The following AGBL4 variants were observed in gnomAD, a reference collection of about 807,000 sequenced individuals.
The protein encoded by AGBL4 is AGBL carboxypeptidase 4.
A neutral mutation model predicts 66.4 loss-of-function variants in AGBL4; 58 were observed. The observed-to-expected ratio is 0.87, with a 90% CI of 0.71 to 1.09. AGBL4 has a LOEUF of 1.09. Ranked by LOEUF, AGBL4 falls within the 50% of genes least tolerant of loss-of-function variation. AGBL4 has a pLI of 0.00. For missense variants in AGBL4, 579 were observed against 631.0 expected, an observed-to-expected ratio of 0.92 and a Z score of 0.88; for synonymous variants, 234 against 222.9, an observed-to-expected ratio of 1.05 and a Z score of -0.44.
chr1:49,491,915 C>T (rs1010133940), intron 3 of AGBL4, among the ~76,000 whole-genome samples: 5 of 151,902 alleles, frequency 3.3e-5, no homozygotes, highest in African/African-American at 1.2e-4. Context: ...CCAATACATA[C>T]ATATCTTTCA....
intron 5 of AGBL4, among the ~76,000 whole-genome samples, chr1:48,959,534 G>A (rs916285300): frequency 2.0e-5 from 3 of 152,110 alleles, no homozygotes; most frequent in Admixed American, 1.3e-4. Context: ...GGACCACAAG[G>A]CAGAGTAAGA....
chr1:49,054,063 C>T (rs900761459), intron 4 of AGBL4, among the ~76,000 whole-genome samples: 1 of 152,088 alleles, frequency 6.6e-6, no homozygotes, highest in African/African-American at 2.4e-5. Flanking sequence ...AAAAGCCAGA[C>T]ATCAGAGCTA....
intron 4 of AGBL4, among the ~76,000 whole-genome samples, chr1:49,215,300 T>C (rs1048145235): frequency 6.6e-6 from 1 of 152,006 alleles, no homozygotes; most frequent in Non-Finnish European, 1.5e-5. Context: ...TTAAGAGGAG[T>C]ATCTAGGGCT....
At chr1:48,836,458 C>T (rs1428186584) in intron 6 of AGBL4, among the ~76,000 whole-genome samples, 2 of 151,976 alleles carry the variant, frequency 1.3e-5, no homozygotes, top group African/African-American at 2.4e-5. Context: ...TAAAAACATA[C>T]TTGCGGGAAT....
intron 3 of AGBL4, among the ~76,000 whole-genome samples, chr1:49,288,545 T>A (rs979119107): frequency 1.3e-5 from 2 of 152,172 alleles, no homozygotes; most frequent in Non-Finnish European, 2.9e-5. Flanking sequence ...CTGTGCAATT[T>A]TCCTTCAATT....
At chr1:49,359,791 T>G (rs970915264) in intron 3 of AGBL4, among the ~76,000 whole-genome samples, 1 of 151,992 alleles carries the variant, frequency 6.6e-6, no homozygotes, top group African/African-American at 2.4e-5. Context: ...ACCCACAGGC[T>G]CTGACTTCCG....
intron 2 of AGBL4, among the ~76,000 whole-genome samples, chr1:49,781,087 A>G (rs1014423053): frequency 6.6e-6 from 1 of 152,136 alleles, no homozygotes; most frequent in African/African-American, 2.4e-5. Flanking sequence ...GACAAAATAT[A>G]TAATTCAAAA....
chr1:49,084,378 G>C (rs966149488), intron 4 of AGBL4, among the ~76,000 whole-genome samples: 1 of 152,198 alleles, frequency 6.6e-6, no homozygotes, highest in Non-Finnish European at 1.5e-5. Flanking sequence ...AAGGAAAGAG[G>C]TTTAAATAAG....
rs180773981 is a variant in AGBL4 at position 49,493,792 on chromosome 1, C to A, written c.282+203521G>T. Reference sequence around the variant, plus strand: ...TGTATCATTTTGACAAAAAATAAATCCTATTTTTTAAAATTAAATAAATTG... The same window carrying A: ...TGTATCATTTTGACAAAAAATAAATACTATTTTTTAAAATTAAATAAATTG... On this transcript the variant is annotated intron_variant, in intron 3 of 13. Transcript: ENST00000371839. Among the ~76,000 whole-genome samples the A allele has an allele frequency of 2.4e-4, 36 of 151,956 alleles. 2 individuals are homozygous for A. Among genetic ancestry groups the A allele is most frequent in the African/African-American group, 7.7e-4 (32 of 41,488 alleles).
intron 3 of AGBL4, among the ~76,000 whole-genome samples, chr1:49,641,063 C>T (rs978521105): frequency 2.0e-5 from 3 of 152,010 alleles, no homozygotes; most frequent in Admixed American, 6.6e-5. Context: ...AAATGCACCC[C>T]GTGAGCCTAA....
intron 4 of AGBL4, among the ~76,000 whole-genome samples, chr1:49,235,604 T>A (rs1650665372): frequency 6.6e-6 from 1 of 152,208 alleles, no homozygotes; most frequent in Admixed American, 6.5e-5. Context: ...CTATGAATAA[T>A]AATCTCTATT....
At chr1:49,365,771 C>A (rs1306299486) in intron 3 of AGBL4, among the ~76,000 whole-genome samples, 1 of 151,986 alleles carries the variant, frequency 6.6e-6, no homozygotes, top group Non-Finnish European at 1.5e-5. Flanking sequence ...TCCGTTTCTT[C>A]ACCAGCACAG....
intron 6 of AGBL4, among the ~76,000 whole-genome samples, chr1:48,810,911 C>T (rs1488756865): frequency 1.3e-5 from 2 of 152,020 alleles, no homozygotes; most frequent in African/African-American, 2.4e-5. Context: ...TGGTAAAAGG[C>T]CCAGGTTTTC....
chr1:48,634,581 A>G lies in AGBL4; in HGVS notation c.863T>C (p.Leu288Pro), dbSNP rs777863306. 17 of 1,603,390 alleles carry G rather than the reference A, an allele frequency of 1.1e-5. No individual in the cohort carries two copies. The South Asian group carries it at 1.8e-4, about 17-fold the overall frequency. Reference protein sequence around the residue: ...NYRCSLMGFDLNRHWLDPSPW... With the variant: ...NYRCSLMGFDPNRHWLDPSPW... The stretch of plus-strand genomic sequence containing the variant: ...AGAGGGATCCAGCCAGTGACGATTC[A>G]GATCAAATCCCATCAGAGAACACCT... Residue 288 changes from leucine (L) to proline (P), a missense_variant, in exon 9 of 14, where the codon CTG (leucine) becomes CCG (proline). Physicochemically the swap from Leu to Pro is moderately conservative, Grantham distance 98. Coordinates refer to ENST00000371839, the MANE Select transcript of AGBL4 (RefSeq NM_032785.4).
chr1:48,967,931 G>A (rs746474099), intron 5 of AGBL4, among the ~76,000 whole-genome samples: 5 of 152,040 alleles, frequency 3.3e-5, no homozygotes, highest in Non-Finnish European at 5.9e-5. Flanking sequence ...CTTCTCCTTT[G>A]GCAAGTTAAC....
At chr1:49,595,595 A>G (rs549522098) in intron 3 of AGBL4, among the ~76,000 whole-genome samples, 65 of 152,040 alleles carry the variant, frequency 4.3e-4, no homozygotes, top group African/African-American at 1.5e-3. Context: ...TGCAGAAGGG[A>G]ATGACATTCA....
chr1:49,986,748 T>C (rs182310903), intron 1 of AGBL4, among the ~76,000 whole-genome samples: 8 of 152,214 alleles, frequency 5.3e-5, no homozygotes, highest in African/African-American at 1.9e-4. Flanking sequence ...CTTTTGTTAA[T>C]ATTTCTTCTT....
chr1:49,988,373 C>T (rs1293482755), intron 1 of AGBL4, among the ~76,000 whole-genome samples: 1 of 152,224 alleles, frequency 6.6e-6, no homozygotes, highest in East Asian at 1.9e-4. Context: ...TATAAGAGAA[C>T]TCTAAGGTCA....
chr1:48,936,148 G>C (rs1655452654), intron 5 of AGBL4, among the ~76,000 whole-genome samples: 1 of 151,266 alleles, frequency 6.6e-6, no homozygotes, highest in Non-Finnish European at 1.5e-5. Context: ...ACATTAGCTG[G>C]GTATGGTGGT....
Sources: allele counts gnomAD v4.1 joint callset (sites outside exome capture counted in the v4.1 genomes callset), GRCh38; gene constraint gnomAD v4.1.1; transcripts MANE v1.5; gene names NCBI Gene and HGNC (gene_info 2026-07-23, HGNC 2026-07-21).